ARHGAP10: variants seen among roughly 807,000 people sequenced by gnomAD.
ARHGAP10 encodes the protein rho GTPase-activating protein 10.
In ARHGAP10, 87 loss-of-function variants were observed where a neutral mutation model predicts 108.6. The ratio of observed to expected loss-of-function variants is 0.80; its 90% confidence interval spans 0.67 to 0.96. The LOEUF (loss-of-function observed/expected upper bound fraction) is 0.96, where lower values mean the gene tolerates loss of function less well. ARHGAP10 is among the 40% of genes least tolerant of loss of function. The pLI, the probability that ARHGAP10 is intolerant of heterozygous loss-of-function variation, is 0.00. For missense variants in ARHGAP10, 939 were observed against 954.5 expected (o/e 0.98, Z 0.21); for synonymous variants, 347 against 341.1 (o/e 1.02, Z -0.19).
intron 1 of ARHGAP10, among the ~76,000 whole-genome samples, chr4:147,761,487 C>G (rs534308286): frequency 1.6e-4 from 24 of 152,206 alleles, no homozygotes; most frequent in African/African-American, 5.3e-4. Flanking sequence ...TGATTTCAAC[C>G]TTGTGGGTCT....
chr4:148,050,474 C>T (rs991519290), intron 20 of ARHGAP10, among the ~76,000 whole-genome samples: 3 of 150,218 alleles, frequency 2.0e-5, no homozygotes, highest in African/African-American at 7.4e-5. Context: ...CCTGGGTTCA[C>T]GCTATTCTCC....
chr4:147,909,318 A>G (rs1211814346), intron 11 of ARHGAP10, among the ~76,000 whole-genome samples: 2 of 152,174 alleles, frequency 1.3e-5, no homozygotes, highest in Admixed American at 1.3e-4. Flanking sequence ...ATGTTCACCA[A>G]CACGGAAGCT....
Position 147,955,300 on chromosome 4 carries a change from T to A in ARHGAP10, c.1392-16T>A. ...TTGGATTTATTTGATAATTCTGAGC[T>A]GTTCTTTTCACACAGGAGTCTTCCA... On this transcript the variant is annotated splice_polypyrimidine_tract_variant and intron_variant, in intron 15 of 22. Coordinates refer to ENST00000336498, the MANE Select transcript of ARHGAP10 (RefSeq NM_024605.4). 1.2e-6 allele frequency: 2 copies of A among 1,603,820 alleles called. No homozygotes were observed. Among genetic ancestry groups the A allele is most frequent in the Non-Finnish European group, 1.7e-6 (2 of 1,173,592 alleles).
intron 1 of ARHGAP10, among the ~76,000 whole-genome samples, chr4:147,742,291 A>C (rs1407801329): frequency 6.6e-6 from 1 of 151,834 alleles, no homozygotes; most frequent in Non-Finnish European, 1.5e-5. Flanking sequence ...CCTAGTAAGA[A>C]CTCTGCCTCA....
intron 3 of ARHGAP10, among the ~76,000 whole-genome samples, chr4:147,840,417 T>A (rs946664220): frequency 2.6e-5 from 4 of 152,192 alleles, no homozygotes; most frequent in South Asian, 2.1e-4. Flanking sequence ...TAGTTTTTTT[T>A]ATTTCTTCCT....
intron 19 of ARHGAP10, among the ~76,000 whole-genome samples, chr4:148,031,945 G>A (rs1728166220): frequency 6.6e-6 from 1 of 152,084 alleles, no homozygotes; most frequent in African/African-American, 2.4e-5. Context: ...TTACCTAAAT[G>A]AACAAACATC....
chr4:147,951,678 C>G (rs528812795), intron 15 of ARHGAP10, among the ~76,000 whole-genome samples: 6 of 151,820 alleles, frequency 4.0e-5, no homozygotes, highest in African/African-American at 1.5e-4. Context: ...GTCTTAAACT[C>G]GTCGTCTCAA....
At chr4:147,788,664 A>C (rs1037506594) in intron 1 of ARHGAP10, among the ~76,000 whole-genome samples, 16 of 152,146 alleles carry the variant, frequency 1.1e-4, no homozygotes, top group Non-Finnish European at 1.9e-4. Flanking sequence ...TAGAATTTGC[A>C]CAGTGGGTTA....
chr4:147,837,617 C>T (rs1484219167), intron 3 of ARHGAP10, among the ~76,000 whole-genome samples: 1 of 133,696 alleles, frequency 7.5e-6, no homozygotes, highest in Non-Finnish European at 1.6e-5. Flanking sequence ...CTAGTTGCTG[C>T]CACCTCGCTA....
chr4:148,008,733 T>G (rs1374050667), intron 18 of ARHGAP10, among the ~76,000 whole-genome samples: 19 of 152,156 alleles, frequency 1.2e-4, no homozygotes, highest in Admixed American at 1.2e-3. Context: ...TGGGGTCACC[T>G]GAGACCTTTT....
At chr4:147,754,854 G>A (rs1218137583) in intron 1 of ARHGAP10, among the ~76,000 whole-genome samples, 1 of 152,142 alleles carries the variant, frequency 6.6e-6, no homozygotes, top group Non-Finnish European at 1.5e-5. Flanking sequence ...AGCACTTTGG[G>A]AGGTGGAGGC....
chr4:147,958,651 C>T lies in ARHGAP10; in HGVS notation c.1450+3277C>T, dbSNP rs144559487. Among the ~76,000 whole-genome samples, 249 of 152,286 alleles carry T rather than the reference C, an allele frequency of 1.6e-3. 1 individual carries two copies. Among genetic ancestry groups the T allele is most frequent in the African/African-American group, 5.6e-3 (231 of 41,560 alleles). ...TGATGTATTCATTTCACGGTAGATA[C>T]GAATGCCACAGGAGAAATGCAACAC... On this transcript the variant is annotated intron_variant, in intron 16 of 22. Coordinates refer to ENST00000336498, the MANE Select transcript of ARHGAP10 (RefSeq NM_024605.4).
chr4:147,906,756 C>A, intron 11 of ARHGAP10, 37 bp downstream of exon 11: 1 of 1,606,958 alleles, frequency 6.2e-7, no homozygotes, highest in Non-Finnish European at 8.5e-7. Context: ...ATTTCAAAGC[C>A]TTTAGAGTTG....
At chr4:147,920,641 T>TA (rs5862822) in intron 13 of ARHGAP10, among the ~76,000 whole-genome samples, 112,551 of 152,100 alleles carry the variant, frequency 0.74, 46,327 homozygotes, top group Non-Finnish European at 0.93. Flanking sequence ...GTTGGTTACA[T>TA]ACAATCCTTG....
chr4:147,784,678 T>G (rs1560756498), intron 1 of ARHGAP10, among the ~76,000 whole-genome samples: 1 of 54,758 alleles, frequency 1.8e-5, no homozygotes, highest in Non-Finnish European at 3.8e-5. Context: ...TTATATATTA[T>G]AAATATAAAA....
At chr4:147,736,861 C>T (rs1250169754) in intron 1 of ARHGAP10, among the ~76,000 whole-genome samples, 1 of 151,840 alleles carries the variant, frequency 6.6e-6, no homozygotes, top group Non-Finnish European at 1.5e-5. Context: ...GGAGACGTGA[C>T]AGGAAGTCTG....
At chr4:148,044,410 A>T (rs1049617161) in intron 19 of ARHGAP10, among the ~76,000 whole-genome samples, 1 of 152,102 alleles carries the variant, frequency 6.6e-6, no homozygotes, top group Non-Finnish European at 1.5e-5. Flanking sequence ...TGCCTTGCCC[A>T]ACTGTCAGGG....
intron 4 of ARHGAP10, among the ~76,000 whole-genome samples, chr4:147,848,453 C>A (rs902950709): frequency 6.6e-6 from 1 of 152,180 alleles, no homozygotes. Flanking sequence ...ACTTCTGCGA[C>A]CTTGACTAAG....
chr4:147,783,693 TTAAATTATGTATTGTATAATTTATAGAA>T, intron 1 of ARHGAP10, among the ~76,000 whole-genome samples: 1 of 128,476 alleles, frequency 7.8e-6, no homozygotes, highest in African/African-American at 3.8e-5. Context: ...ATAGAACACA[TTAAATTATGTATTGTATAATTTATAGAA>T]CACATTAAAT....
Sources: allele counts gnomAD v4.1 joint callset (sites outside exome capture counted in the v4.1 genomes callset), GRCh38; gene constraint gnomAD v4.1.1; transcripts MANE v1.5; gene names NCBI Gene and HGNC (gene_info 2026-07-23, HGNC 2026-07-21).